FCHO2: variants seen among roughly 807,000 people sequenced by gnomAD.
FCHO2 encodes FCH and mu domain containing endocytic adaptor 2.
Under a neutral mutation model 114.1 loss-of-function variants are expected in FCHO2, and 43 were observed. That is an observed-to-expected ratio of 0.38 (90% CI 0.30 to 0.49). FCHO2 has a LOEUF of 0.49. Among genes scored for constraint, FCHO2 ranks in the 20% least tolerant of loss-of-function variants. FCHO2 has a pLI of 0.97. For missense variants in FCHO2, 807 were observed against 950.4 expected (o/e 0.85, Z 1.98); for synonymous variants, 293 against 315.2 (o/e 0.93, Z 0.75).
intron 19 of FCHO2, among the ~76,000 whole-genome samples, chr5:73,069,375 T>C (rs1742519549): frequency 2.0e-5 from 3 of 152,116 alleles, no homozygotes; most frequent in South Asian, 4.1e-4. Flanking sequence ...TATAATGAAA[T>C]AATTATATAA....
At position 73,017,333 on chromosome 5, in the gene FCHO2, A is replaced by G. The variant is rs1330468396; in HGVS notation, c.796+25A>G. ...GGTAAGATGATAAACTCTGCAAGGA[A>G]ACATTTTAAATTTTCCCATATAGTA... is the stretch of plus-strand genomic sequence containing the variant. On this transcript the variant is annotated intron_variant, in intron 8 of 25. Transcript: ENST00000430046. 6 of 1,443,910 alleles carry G rather than the reference A, an allele frequency of 4.2e-6. No homozygotes were observed. In the Admixed American group the frequency reaches 1.2e-4, roughly 28 times the overall value. 89.4% of individuals were successfully genotyped at this position (1,443,910 alleles called of 1,614,324 possible).
chr5:73,055,004 T>C (rs1002335561), intron 15 of FCHO2: 5 of 284,214 alleles, frequency 1.8e-5, no homozygotes, highest in African/African-American at 8.7e-5. Context: ...GCATTAAAAA[T>C]AACAAGGGTT....
Position 73,078,165 on chromosome 5 carries a change from T to A in FCHO2, c.1848-15T>A, listed in dbSNP as rs1188899738. The A allele has an allele frequency of 3.4e-6, 5 of 1,467,140 alleles. No individual in the cohort carries two copies. Among genetic ancestry groups the A allele is most frequent in the Non-Finnish European group, 3.6e-6 (4 of 1,108,316 alleles). 90.9% of individuals were successfully genotyped at this position (1,467,140 alleles called of 1,614,324 possible). ...TAAGTCAATAAAATAACAAATATAT[T>A]TTTTATATATGTAGTGATCCATCAC... On this transcript the variant is annotated splice_polypyrimidine_tract_variant and intron_variant, in intron 21 of 25. Transcript: ENST00000430046.
At chr5:72,977,075 G>A (rs1752932460) in intron 2 of FCHO2, among the ~76,000 whole-genome samples, 1 of 152,110 alleles carries the variant, frequency 6.6e-6, no homozygotes, top group Non-Finnish European at 1.5e-5. Context: ...GAACAGTGCT[G>A]CAATAAACAT....
At chr5:73,071,060 C>A (rs1443660296) in intron 19 of FCHO2, among the ~76,000 whole-genome samples, 1 of 151,908 alleles carries the variant, frequency 6.6e-6, no homozygotes, top group Non-Finnish European at 1.5e-5. Context: ...TCTCAGAAAT[C>A]AAGAATTATG....
chr5:72,964,449 G>C (rs1165271940), intron 1 of FCHO2, among the ~76,000 whole-genome samples: 2 of 152,110 alleles, frequency 1.3e-5, no homozygotes, highest in African/African-American at 4.8e-5. Flanking sequence ...GCAGTGGCAT[G>C]ATCTCAGCTC....
At chr5:72,960,521 A>G (rs1751800945) in intron 1 of FCHO2, among the ~76,000 whole-genome samples, 1 of 152,166 alleles carries the variant, frequency 6.6e-6, no homozygotes, top group African/African-American at 2.4e-5. Context: ...CATATTAAAC[A>G]TTATGTAACT....
chr5:73,023,764 T>A (rs949938785), intron 8 of FCHO2, among the ~76,000 whole-genome samples: 3 of 152,122 alleles, frequency 2.0e-5, no homozygotes, highest in African/African-American at 7.2e-5. Context: ...ATGTTGGAAC[T>A]TATCAAATAT....
intron 24 of FCHO2, among the ~76,000 whole-genome samples, chr5:73,084,474 C>T (rs1296758770): frequency 2.0e-5 from 3 of 152,156 alleles, no homozygotes; most frequent in Non-Finnish European, 4.4e-5. Flanking sequence ...CCATGTTGGC[C>T]AGGCTGGTCT....
At chr5:73,057,166 C>G (rs1249737854) in intron 16 of FCHO2, among the ~76,000 whole-genome samples, 1 of 151,808 alleles carries the variant, frequency 6.6e-6, no homozygotes, top group East Asian at 1.9e-4. Flanking sequence ...AACTCCTGGA[C>G]TCAGACTCCT....
chr5:72,960,870 C>CT (rs1221036922), intron 1 of FCHO2, among the ~76,000 whole-genome samples: 2 of 152,078 alleles, frequency 1.3e-5, no homozygotes, highest in African/African-American at 4.8e-5. Context: ...CCCAAAGACA[C>CT]TAAGTAGTAT....
At chr5:72,992,935 C>A (rs904711302) in intron 5 of FCHO2, among the ~76,000 whole-genome samples, 1 of 147,694 alleles carries the variant, frequency 6.8e-6, no homozygotes. Context: ...TGATGAAGGG[C>A]GAGAGAGAAG....
chr5:73,041,200 C>G lies in FCHO2; in HGVS notation c.915-91C>G. 3 of 751,058 alleles carry G rather than the reference C, an allele frequency of 4.0e-6. 1 individual carries two copies. Among genetic ancestry groups the G allele is most frequent in the South Asian group, 3.3e-5 (2 of 61,008 alleles). The allele number at this position is 751,058 out of a possible 1,614,324, so 46.5% of individuals were successfully genotyped here. A position where few individuals can be genotyped will look rare whatever the true frequency, so the allele number is the denominator to read the frequency against. ...ATTTTTTGTAGAGTTTAAATAAAAG[C>G]TATATTTAAGTACCAAAGTAAATAC... On this transcript the variant is annotated intron_variant, in intron 10 of 25. Transcript: ENST00000430046.
chr5:72,972,501 T>C (rs1161897338), intron 2 of FCHO2, among the ~76,000 whole-genome samples: 3 of 151,828 alleles, frequency 2.0e-5, no homozygotes, highest in Non-Finnish European at 2.9e-5. Context: ...GGCTCTCTGT[T>C]TGTCTGTTGT....
chr5:73,057,073 C>T (rs1300861582), intron 16 of FCHO2, among the ~76,000 whole-genome samples: 2 of 150,400 alleles, frequency 1.3e-5, no homozygotes, highest in Non-Finnish European at 2.9e-5. Flanking sequence ...GATCCTCCCG[C>T]CCCTGTCTCC....
In FCHO2 at chr5:73,021,386, T is replaced by C; in HGVS notation, c.796+4078T>C. The C allele has an allele frequency of 9.5e-6, 3 of 315,734 alleles. No individual in the cohort carries two copies. In the South Asian group the frequency reaches 1.0e-4, roughly 11 times the overall value. The allele number at this position is 315,734 out of a possible 1,614,324, so 19.6% of individuals were successfully genotyped here. Reference sequence around the variant, plus strand: ...GGGGTCAAGAAGGGAGAGGGCAGTCTTAACTTTCTTTTACTCCTATTCAAG... The same window carrying C: ...GGGGTCAAGAAGGGAGAGGGCAGTCCTAACTTTCTTTTACTCCTATTCAAG... On this transcript the variant is annotated intron_variant, in intron 8 of 25. Transcript: ENST00000430046.
At chr5:73,061,126 A>T (rs1040287682) in intron 17 of FCHO2, among the ~76,000 whole-genome samples, 5 of 152,166 alleles carry the variant, frequency 3.3e-5, no homozygotes, top group Admixed American at 6.6e-5. Flanking sequence ...TCACTGGACA[A>T]TGATGAACTT....
At position 72,990,728 on chromosome 5, in the gene FCHO2, C is replaced by A; in HGVS notation, c.359C>A (p.Ala120Glu). Residue 120 changes from alanine to glutamate, a missense_variant, in exon 5 of 26, where the codon GCA becomes GAA. Coordinates refer to ENST00000430046, the MANE Select transcript of FCHO2 (RefSeq NM_138782.3). ...KSHKKTKEEV[A>E]GTLEAVQTIQ... is the part of the protein sequence containing the mutation. The stretch of plus-strand genomic sequence containing the variant: ...ACTAAACAGACTAAAGAAGAAGTTG[C>A]AGGAACTCTGGAAGCTGTCCAAACC... The A allele has an allele frequency of 6.4e-7, 1 of 1,555,854 alleles. No homozygotes were observed. The highest frequency in any genetic ancestry group is 8.7e-7 in the Non-Finnish European group (1 of 1,150,484).
At chr5:73,044,725 A>AT (rs1224123131) in intron 11 of FCHO2, among the ~76,000 whole-genome samples, 2 of 150,494 alleles carry the variant, frequency 1.3e-5, no homozygotes, top group African/African-American at 4.9e-5. Context: ...CTATGTCCAC[A>AT]TTCCAAACAG....
Sources: gnomAD v4.1 joint callset for allele counts (sites outside exome capture counted in the v4.1 genomes callset) on GRCh38, gnomAD v4.1.1 for gene constraint, MANE v1.5 for transcripts, NCBI Gene and HGNC (gene_info 2026-07-23, HGNC 2026-07-21) for gene names.